FCHSD2: variants seen among roughly 807,000 people sequenced by gnomAD.
FCHSD2 encodes F-BAR and double SH3 domains protein 2.
Under a neutral mutation model 108.1 loss-of-function variants are expected in FCHSD2, and 38 were observed. The observed-to-expected ratio is 0.35, with a 90% CI of 0.27 to 0.46. The LOEUF is 0.46. Ranked by LOEUF, FCHSD2 falls within the 20% of genes least tolerant of loss-of-function variation. FCHSD2 has a pLI of 1.00. For synonymous variants in FCHSD2, 279 were observed against 314.7 expected, an observed-to-expected ratio of 0.89 and a Z score of 1.20; for missense variants, 751 against 897.8, an observed-to-expected ratio of 0.84 and a Z score of 2.09.
intron 6 of FCHSD2, among the ~76,000 whole-genome samples, chr11:72,988,023 T>C (rs1857342489): frequency 6.6e-6 from 1 of 152,248 alleles, no homozygotes; most frequent in South Asian, 2.1e-4. Flanking sequence ...TTACCAGCCC[T>C]TGATAAACCG....
At chr11:72,847,041 G>C (rs1036117952) in intron 14 of FCHSD2, among the ~76,000 whole-genome samples, 2 of 152,114 alleles carry the variant, frequency 1.3e-5, no homozygotes, top group African/African-American at 4.8e-5. Context: ...CTGTCACTCA[G>C]GCTGGAGTGC....
chr11:72,960,812 A>C (rs746271376), intron 8 of FCHSD2, among the ~76,000 whole-genome samples: 16 of 152,186 alleles, frequency 1.1e-4, no homozygotes, highest in Non-Finnish European at 1.9e-4. Flanking sequence ...TGATAATAAG[A>C]ATACAGGTAA....
At chr11:73,136,425 G>A (rs1293416085) in intron 2 of FCHSD2, among the ~76,000 whole-genome samples, 1 of 151,686 alleles carries the variant, frequency 6.6e-6, no homozygotes. Flanking sequence ...CCGCGCACCT[G>A]GAGTCTCAGC....
At chr11:72,992,836 A>G (rs1477726868) in intron 5 of FCHSD2, among the ~76,000 whole-genome samples, 1 of 152,246 alleles carries the variant, frequency 6.6e-6, no homozygotes, top group African/African-American at 2.4e-5. Context: ...ACCATTCAGG[A>G]CACAGGCATA....
In FCHSD2 at chr11:72,972,834, T is replaced by A. The variant is rs557144908; in HGVS notation, c.705+11254A>T. On this transcript the variant is annotated intron_variant, in intron 8 of 19. Coordinates refer to ENST00000409418, the MANE Select transcript of FCHSD2 (RefSeq NM_014824.3). ...TCATCTCTGTATCACCAAGTGCCTA[T>A]CACCTAGTACAAACTCAAATGCTTC... is the stretch of plus-strand genomic sequence containing the variant. Among the ~76,000 whole-genome samples the A allele has an allele frequency of 5.3e-5, 8 of 152,346 alleles. No homozygotes were observed. In the South Asian group the frequency reaches 1.7e-3, roughly 32 times the overall value.
Position 73,142,234 on chromosome 11 carries a change from G to GCGCTCCCGGTCGGCCGCCTGCGCCGC in FCHSD2, c.-383_-358dup, listed in dbSNP as rs563321299. On this transcript the variant is annotated 5_prime_UTR_variant, in exon 1 of 20. Coordinates refer to ENST00000409418, the MANE Select transcript of FCHSD2 (RefSeq NM_014824.3). ...CGGGTTAGCCGCAGCCGCGTTGTCC[G>GCGCTCCCGGTCGGCCGCCTGCGCCGC]CGCTCCCGGTCGGCCGCCTGCGCCG... is the stretch of plus-strand genomic sequence containing the variant. 5 of 158,480 alleles carry GCGCTCCCGGTCGGCCGCCTGCGCCGC rather than the reference G, an allele frequency of 3.2e-5. No individual in the cohort carries two copies. Among genetic ancestry groups the GCGCTCCCGGTCGGCCGCCTGCGCCGC allele is most frequent in the African/African-American group, 1.2e-4 (5 of 41,540 alleles). 9.8% of individuals were successfully genotyped at this position (158,480 alleles called of 1,614,324 possible).
intron 8 of FCHSD2, among the ~76,000 whole-genome samples, chr11:72,978,043 G>A (rs914877202): frequency 1.3e-5 from 2 of 152,074 alleles, no homozygotes; most frequent in Non-Finnish European, 2.9e-5. Context: ...CCACCATTCT[G>A]AGCAAACTAC....
intron 3 of FCHSD2, among the ~76,000 whole-genome samples, chr11:73,040,202 C>A (rs1037685022): frequency 1.3e-5 from 2 of 152,204 alleles, no homozygotes; most frequent in Non-Finnish European, 2.9e-5. Context: ...AACCCACCCA[C>A]AATGGCCCCA....
At chr11:73,111,539 G>GT (rs924420415) in intron 2 of FCHSD2, among the ~76,000 whole-genome samples, 6 of 148,130 alleles carry the variant, frequency 4.1e-5, no homozygotes, top group Admixed American at 2.7e-4. Context: ...ACTGGATCTT[G>GT]TTTTTTTCAA....
At chr11:72,945,190 C>G (rs1406432577) in intron 8 of FCHSD2, among the ~76,000 whole-genome samples, 1 of 152,084 alleles carries the variant, frequency 6.6e-6, no homozygotes, top group East Asian at 1.9e-4. Flanking sequence ...GGTACTGGTA[C>G]CAAAACAGAG....
At chr11:72,858,991 A>T (rs1037254710) in intron 13 of FCHSD2, among the ~76,000 whole-genome samples, 6 of 152,168 alleles carry the variant, frequency 3.9e-5, no homozygotes, top group Admixed American at 6.5e-5. Flanking sequence ...CTGTATGAAG[A>T]AAGTTTTTAG....
At chr11:73,054,695 G>A (rs1023085836) in intron 3 of FCHSD2, among the ~76,000 whole-genome samples, 1 of 151,634 alleles carries the variant, frequency 6.6e-6, no homozygotes, top group Admixed American at 6.6e-5. Flanking sequence ...TTTTTTTTCA[G>A]ACAGAGTCTT....
At chr11:72,884,720 A>G (rs904294520) in intron 12 of FCHSD2, among the ~76,000 whole-genome samples, 2 of 151,884 alleles carry the variant, frequency 1.3e-5, no homozygotes, top group African/African-American at 2.4e-5. Context: ...CTGCCTCCCA[A>G]GTAGCTGAGA....
intron 2 of FCHSD2, among the ~76,000 whole-genome samples, chr11:73,116,220 T>C (rs1282767787): frequency 6.6e-6 from 1 of 152,220 alleles, no homozygotes; most frequent in African/African-American, 2.4e-5. Flanking sequence ...TATTAAATTG[T>C]CCTTGAAGTT....
rs531000753 is a variant in FCHSD2 at position 72,875,174 on chromosome 11, G to C, written c.1147-7148C>G. Among the ~76,000 whole-genome samples, 9 of 151,990 alleles carry C rather than the reference G, an allele frequency of 5.9e-5. No homozygotes were observed. The South Asian group carries it at 1.9e-3, about 32-fold the overall frequency. ...ACTGTGTGTAATGTATTACTATTTA[G>C]GACAGTGGTTTACTTGTAGAATAGA... is the stretch of plus-strand genomic sequence containing the variant. On this transcript the variant is annotated intron_variant, in intron 12 of 19. Coordinates refer to ENST00000409418, the MANE Select transcript of FCHSD2 (RefSeq NM_014824.3).
chr11:73,113,152 AT>A (rs1860527665), intron 2 of FCHSD2, among the ~76,000 whole-genome samples: 1 of 151,864 alleles, frequency 6.6e-6, no homozygotes. Flanking sequence ...TTTCTGCTTG[AT>A]TTTTTGTAAG....
intron 4 of FCHSD2, among the ~76,000 whole-genome samples, chr11:73,014,124 CT>C (rs947652108): frequency 0.053 from 4,624 of 86,834 alleles, 15 homozygotes; most frequent in Middle Eastern, 0.082. Context: ...TGTGTGGTTT[CT>C]TTTTTTTTTT....
intron 2 of FCHSD2, among the ~76,000 whole-genome samples, chr11:73,099,265 T>G (rs545097204): frequency 2.6e-4 from 38 of 148,324 alleles, no homozygotes; most frequent in African/African-American, 8.3e-4. Context: ...AGGATGGCTG[T>G]AAAACAACAC....
chr11:72,960,825 A>G (rs1320709592), intron 8 of FCHSD2, among the ~76,000 whole-genome samples: 1 of 152,196 alleles, frequency 6.6e-6, no homozygotes, highest in Admixed American at 6.5e-5. Flanking sequence ...ACAGGTAAAG[A>G]AAGGCTTTAA....
Sources: gnomAD v4.1 joint callset for allele counts (sites outside exome capture counted in the v4.1 genomes callset) on GRCh38, gnomAD v4.1.1 for gene constraint, MANE v1.5 for transcripts, NCBI Gene and HGNC (gene_info 2026-07-23, HGNC 2026-07-21) for gene names.